CCBE1: variants seen among roughly 807,000 people sequenced by gnomAD.
The protein encoded by CCBE1 is collagen and calcium-binding EGF domain-containing protein 1.
Under a neutral mutation model 50.0 loss-of-function variants are expected in CCBE1, and 37 were observed. The ratio of observed to expected loss-of-function variants is 0.74; its 90% confidence interval spans 0.57 to 0.97. CCBE1 has a LOEUF of 0.97. Among genes scored for constraint, CCBE1 ranks in the 50% least tolerant of loss-of-function variants. The probability of loss-of-function intolerance (pLI) is 0.00; values close to 1 mark genes in which losing one functional copy is unlikely to be tolerated. For synonymous variants in CCBE1, 234 were observed against 203.7 expected, an observed-to-expected ratio of 1.15 and a Z score of -1.27; for missense variants, 538 against 523.8, an observed-to-expected ratio of 1.03 and a Z score of -0.26.
At chr18:59,598,605 C>A (rs567308822) in intron 2 of CCBE1, among the ~76,000 whole-genome samples, 3 of 152,288 alleles carry the variant, frequency 2.0e-5, no homozygotes, top group African/African-American at 7.2e-5. Flanking sequence ...CTTCTGTGCC[C>A]GTTTTCTTTG....
intron 2 of CCBE1, among the ~76,000 whole-genome samples, chr18:59,640,510 C>T (rs564138132): frequency 5.9e-5 from 9 of 152,190 alleles, no homozygotes; most frequent in Non-Finnish European, 1.0e-4. Flanking sequence ...AAACATAATG[C>T]CCAAGACTAT....
At chr18:59,546,333 A>G (rs548056157) in intron 2 of CCBE1, among the ~76,000 whole-genome samples, 1 of 152,330 alleles carries the variant, frequency 6.6e-6, no homozygotes, top group Admixed American at 6.5e-5. Flanking sequence ...CACCCCTCAT[A>G]TTCACACTCT....
At chr18:59,586,730 G>A (rs1385459020) in intron 2 of CCBE1, among the ~76,000 whole-genome samples, 1 of 152,134 alleles carries the variant, frequency 6.6e-6, no homozygotes, top group East Asian at 1.9e-4. Context: ...ATTCAACACT[G>A]TGCACCCCTC....
chr18:59,476,355 C>T (rs938535624), intron 3 of CCBE1, among the ~76,000 whole-genome samples: 2 of 152,104 alleles, frequency 1.3e-5, no homozygotes, highest in African/African-American at 2.4e-5. Context: ...CAGTACTGCT[C>T]CCTTCCCACA....
At chr18:59,604,280 C>G (rs941457147) in intron 2 of CCBE1, among the ~76,000 whole-genome samples, 2 of 152,174 alleles carry the variant, frequency 1.3e-5, no homozygotes, top group Non-Finnish European at 2.9e-5. Context: ...GAGGTTTGGC[C>G]AGTTGTCCAA....
At chr18:59,540,138 CACTAAT>C (rs1372024137) in intron 2 of CCBE1, among the ~76,000 whole-genome samples, 2 of 152,120 alleles carry the variant, frequency 1.3e-5, no homozygotes, top group Admixed American at 1.3e-4. Flanking sequence ...ATATTTAATT[CACTAAT>C]ACTATCTCTG....
chr18:59,564,247 A>G (rs147798635), intron 2 of CCBE1, among the ~76,000 whole-genome samples: 3 of 152,260 alleles, frequency 2.0e-5, no homozygotes, highest in Non-Finnish European at 4.4e-5. Flanking sequence ...AAATGCATAA[A>G]GAATGAAGGG....
intron 9 of CCBE1, 108 bp downstream of exon 9, chr18:59,439,435 C>A: frequency 7.2e-7 from 1 of 1,380,806 alleles, no homozygotes; most frequent in South Asian, 1.2e-5. Flanking sequence ...CCATTGCACT[C>A]CAGCCTGGGT....
At chr18:59,469,817 G>A (rs1338151979) in intron 3 of CCBE1, among the ~76,000 whole-genome samples, 3 of 152,172 alleles carry the variant, frequency 2.0e-5, no homozygotes, top group African/African-American at 7.2e-5. Flanking sequence ...CACATCACTC[G>A]TGATTTTTCC....
intron 2 of CCBE1, among the ~76,000 whole-genome samples, chr18:59,498,436 T>C (rs1476827101): frequency 4.6e-5 from 7 of 152,194 alleles, no homozygotes; most frequent in Non-Finnish European, 8.8e-5. Context: ...ATGTAAACTT[T>C]TTTACTACCC....
chr18:59,454,799 G>A (rs369253186), intron 6 of CCBE1, 52 bp downstream of exon 6: 11 of 1,473,094 alleles, frequency 7.5e-6, no homozygotes, highest in Non-Finnish European at 1.0e-5. Context: ...CCTGGCCTTG[G>A]CCAAGCCCTC....
At position 59,586,089 on chromosome 18, in the gene CCBE1, A is replaced by G. The variant is rs77938829; in HGVS notation, c.213-105851T>C. ...AAATACAGGTGACATATGTACATGT[A>G]AAATAGTACACGAAAACTAGTATCA... On this transcript the variant is annotated intron_variant, in intron 2 of 10. Transcript: ENST00000439986. 1.1e-4 allele frequency among the ~76,000 whole-genome samples: 16 copies of G among 152,376 alleles called. 1 individual carries two copies. The East Asian group carries it at 3.1e-3, about 29-fold the overall frequency.
intron 2 of CCBE1, among the ~76,000 whole-genome samples, chr18:59,616,446 A>G (rs2053637735): frequency 6.6e-6 from 1 of 152,234 alleles, no homozygotes; most frequent in South Asian, 2.1e-4. Context: ...AAGTATAGAT[A>G]TTAAGCACAT....
intron 3 of CCBE1, among the ~76,000 whole-genome samples, chr18:59,470,845 G>A (rs550485347): frequency 1.3e-5 from 2 of 152,292 alleles, no homozygotes; most frequent in East Asian, 1.9e-4. Context: ...GAACGGGTGG[G>A]CTGTCAGCTC....
chr18:59,596,713 T>G (rs986153325), intron 2 of CCBE1, among the ~76,000 whole-genome samples: 1 of 152,202 alleles, frequency 6.6e-6, no homozygotes, highest in Non-Finnish European at 1.5e-5. Context: ...CTGAGAAACC[T>G]TCTGTCCATT....
intron 2 of CCBE1, among the ~76,000 whole-genome samples, chr18:59,678,352 T>C (rs886308013): frequency 5.9e-5 from 9 of 152,138 alleles, no homozygotes; most frequent in African/African-American, 1.9e-4. Flanking sequence ...ACTGCTGCAA[T>C]TTAAATAATA....
intron 2 of CCBE1, among the ~76,000 whole-genome samples, chr18:59,582,133 G>A (rs544588986): frequency 1.2e-4 from 18 of 152,202 alleles, no homozygotes; most frequent in East Asian, 1.2e-3. Flanking sequence ...TGTACCCTCC[G>A]GAAAGCTCTC....
At chr18:59,550,224 C>A (rs1915864189) in intron 2 of CCBE1, among the ~76,000 whole-genome samples, 1 of 152,128 alleles carries the variant, frequency 6.6e-6, no homozygotes, top group Admixed American at 6.5e-5. Flanking sequence ...CAGGGATTGG[C>A]AAACTATGAC....
intron 2 of CCBE1, among the ~76,000 whole-genome samples, chr18:59,690,036 C>A (rs1036204677): frequency 6.6e-6 from 1 of 152,008 alleles, no homozygotes; most frequent in Non-Finnish European, 1.5e-5. Flanking sequence ...AAAAAGGTCC[C>A]AAAGGAAATC....
Sources: allele counts gnomAD v4.1 joint callset (sites outside exome capture counted in the v4.1 genomes callset), GRCh38; gene constraint gnomAD v4.1.1; transcripts MANE v1.5; gene names NCBI Gene and HGNC (gene_info 2026-07-23, HGNC 2026-07-21).